The following KCTD8 variants were observed in gnomAD, a reference collection of about 807,000 sequenced individuals.
KCTD8 encodes BTB/POZ domain-containing protein KCTD8.
KCTD8 carries 27 observed loss-of-function variants against 31.5 expected under a neutral mutation model. The observed-to-expected ratio is 0.86, with a 90% CI of 0.63 to 1.18. The LOEUF is 1.18. Among genes scored for constraint, KCTD8 ranks in the 50% most tolerant of loss-of-function variants. The pLI is 0.00. For missense variants in KCTD8, 658 were observed against 647.7 expected (o/e 1.02, Z -0.17); for synonymous variants, 290 against 280.0 (o/e 1.04, Z -0.36).
At chr4:44,346,531 T>A (rs73815025) in intron 1 of KCTD8, among the ~76,000 whole-genome samples, 4,474 of 152,184 alleles carry the variant, frequency 0.029, 234 homozygotes, top group African/African-American at 0.1. Context: ...GGTTAATTAA[T>A]TAAAAAAATG....
At chr4:44,176,361 A>G (rs906364133) in intron 1 of KCTD8, among the ~76,000 whole-genome samples, 1 of 152,174 alleles carries the variant, frequency 6.6e-6, no homozygotes, top group Non-Finnish European at 1.5e-5. Context: ...GATTATTGAT[A>G]CCTTGGAACC....
At chr4:44,274,912 A>G (rs865781263) in intron 1 of KCTD8, among the ~76,000 whole-genome samples, 1 of 151,962 alleles carries the variant, frequency 6.6e-6, no homozygotes, top group Non-Finnish European at 1.5e-5. Context: ...ACTGCAATCT[A>G]TTAATGCTGC....
intron 1 of KCTD8, among the ~76,000 whole-genome samples, chr4:44,333,640 C>A (rs1718644440): frequency 6.6e-6 from 1 of 152,148 alleles, no homozygotes; most frequent in South Asian, 2.1e-4. Flanking sequence ...ATTAAGTGAT[C>A]ATTTTTATCT....
intron 1 of KCTD8, among the ~76,000 whole-genome samples, chr4:44,235,944 A>G (rs1349704484): frequency 1.3e-5 from 2 of 152,090 alleles, no homozygotes. Context: ...GGGAATATTG[A>G]CAAAGTGTGA....
At chr4:44,175,277 A>G (rs772489839) in intron 1 of KCTD8, 27 bp from the exon 2 acceptor site, 5 of 1,329,226 alleles carry the variant, frequency 3.8e-6, no homozygotes, top group Non-Finnish European at 4.1e-6. Context: ...AAAAAGAAGA[A>G]GAGTAGAACA....
chr4:44,393,531 A>C (rs1434522311), intron 1 of KCTD8, among the ~76,000 whole-genome samples: 1 of 151,576 alleles, frequency 6.6e-6, no homozygotes, highest in Non-Finnish European at 1.5e-5. Context: ...GAAAAAAAAA[A>C]ACACATGAAA....
chr4:44,390,794 T>C (rs1171789324), intron 1 of KCTD8, among the ~76,000 whole-genome samples: 2 of 151,952 alleles, frequency 1.3e-5, no homozygotes, highest in Non-Finnish European at 2.9e-5. Context: ...AATAAAATAA[T>C]AGGCATTGAT....
At chr4:44,359,446 T>C (rs1052674877) in intron 1 of KCTD8, among the ~76,000 whole-genome samples, 1 of 152,164 alleles carries the variant, frequency 6.6e-6, no homozygotes, top group African/African-American at 2.4e-5. Context: ...ATTAATCATC[T>C]AAATCATCCG....
chr4:44,300,001 C>T (rs1717561888), intron 1 of KCTD8, among the ~76,000 whole-genome samples: 2 of 151,946 alleles, frequency 1.3e-5, no homozygotes, highest in Admixed American at 6.6e-5. Flanking sequence ...CCACCCGCCT[C>T]GGCCTCCCAA....
chr4:44,265,767 G>T (rs144055722), intron 1 of KCTD8, among the ~76,000 whole-genome samples: 2 of 152,128 alleles, frequency 1.3e-5, no homozygotes, highest in Admixed American at 6.5e-5. Flanking sequence ...AGGAGCCGAC[G>T]CAATCAACTG....
intron 1 of KCTD8, among the ~76,000 whole-genome samples, chr4:44,381,363 T>G (rs1720060707): frequency 6.6e-6 from 1 of 151,986 alleles, no homozygotes; most frequent in Non-Finnish European, 1.5e-5. Context: ...ACAATAAATT[T>G]CTGATTAGAA....
At chr4:44,408,578 G>C (rs966091584) in intron 1 of KCTD8, among the ~76,000 whole-genome samples, 1 of 152,082 alleles carries the variant, frequency 6.6e-6, no homozygotes, top group East Asian at 1.9e-4. Context: ...AATTCAAAAG[G>C]TCCTGAATAG....
chr4:44,267,017 T>C (rs571865168), intron 1 of KCTD8, among the ~76,000 whole-genome samples: 1 of 152,198 alleles, frequency 6.6e-6, no homozygotes, highest in African/African-American at 2.4e-5. Flanking sequence ...TACCCAGGAA[T>C]TGAACTCAGC....
At chr4:44,180,874 T>C (rs562769512) in intron 1 of KCTD8, among the ~76,000 whole-genome samples, 50 of 152,132 alleles carry the variant, frequency 3.3e-4, no homozygotes, top group Non-Finnish European at 6.6e-4. Context: ...TCTGATCAAA[T>C]ATTAAGCATT....
At chr4:44,321,090 G>A (rs1443993158) in intron 1 of KCTD8, among the ~76,000 whole-genome samples, 1 of 152,048 alleles carries the variant, frequency 6.6e-6, no homozygotes, top group African/African-American at 2.4e-5. Flanking sequence ...AACCATCCTA[G>A]GTGAATACTT....
At chr4:44,208,801 G>A (rs916849624) in intron 1 of KCTD8, among the ~76,000 whole-genome samples, 10 of 152,204 alleles carry the variant, frequency 6.6e-5, no homozygotes, top group African/African-American at 2.4e-4. Context: ...TACATTAGTA[G>A]TTAAAAACAA....
At chr4:44,200,509 A>C (rs1714109161) in intron 1 of KCTD8, among the ~76,000 whole-genome samples, 2 of 152,160 alleles carry the variant, frequency 1.3e-5, no homozygotes, top group South Asian at 4.1e-4. Flanking sequence ...CAACATAAAT[A>C]AATCAATAAA....
intron 1 of KCTD8, among the ~76,000 whole-genome samples, chr4:44,424,247 C>T (rs7685258): frequency 0.13 from 19,894 of 151,954 alleles, 2,619 homozygotes; most frequent in African/African-American, 0.33. Context: ...CCACCATCCC[C>T]CAACACTTCC....
At chr4:44,231,128 C>T (rs931667010) in intron 1 of KCTD8, among the ~76,000 whole-genome samples, 11 of 152,216 alleles carry the variant, frequency 7.2e-5, no homozygotes, top group African/African-American at 2.4e-4. Flanking sequence ...CAAACACCTG[C>T]GCCAAGAGTG....
Sources: allele counts gnomAD v4.1 joint callset (sites outside exome capture counted in the v4.1 genomes callset), GRCh38; gene constraint gnomAD v4.1.1; transcripts MANE v1.5; gene names NCBI Gene and HGNC (gene_info 2026-07-23, HGNC 2026-07-21).